The following RAB11FIP3 variants were observed in gnomAD, a reference collection of about 807,000 sequenced individuals.
The protein encoded by RAB11FIP3 is rab11 family-interacting protein 3.
A neutral mutation model predicts 77.8 loss-of-function variants in RAB11FIP3; 17 were observed. The ratio of observed to expected loss-of-function variants is 0.22; its 90% CI spans 0.15 to 0.33. RAB11FIP3 has a LOEUF of 0.33. Among genes scored for constraint, RAB11FIP3 ranks in the 10% least tolerant of loss-of-function variants. The pLI is 1.00. For missense variants in RAB11FIP3, 1,005 were observed against 1,011.2 expected, an observed-to-expected ratio of 0.99 and a Z score of 0.08; for synonymous variants, 437 against 448.2, an observed-to-expected ratio of 0.98 and a Z score of 0.31.
chr16:512,685 A>C (rs1441733689), intron 9 of RAB11FIP3, among the ~76,000 whole-genome samples: 1 of 151,446 alleles, frequency 6.6e-6, no homozygotes, highest in Non-Finnish European at 1.5e-5. Context: ...CTGGGGCTAG[A>C]GGCTCACACC....
chr16:470,791 A>G (rs74003903), intron 2 of RAB11FIP3, among the ~76,000 whole-genome samples: 3,590 of 152,310 alleles, frequency 0.024, 113 homozygotes, highest in African/African-American at 0.073. Flanking sequence ...TGATTATAGA[A>G]GATAAGCAAA....
intron 2 of RAB11FIP3, among the ~76,000 whole-genome samples, chr16:463,032 C>G (rs1163094735): frequency 6.6e-6 from 1 of 152,210 alleles, no homozygotes; most frequent in Admixed American, 6.5e-5. Context: ...TCCTTGGGGC[C>G]TGTATCTAGG....
intron 1 of RAB11FIP3, among the ~76,000 whole-genome samples, chr16:427,612 G>A (rs1035341066): frequency 1.3e-5 from 2 of 152,228 alleles, no homozygotes; most frequent in Non-Finnish European, 2.9e-5. Flanking sequence ...AATAATACCA[G>A]TGCTCACTTT....
chr16:471,508 G>A lies in RAB11FIP3; in HGVS notation c.903+119G>A. 2.3e-6 allele frequency: 2 copies of A among 860,974 alleles called. No individual in the cohort carries two copies. The highest frequency in any genetic ancestry group is 3.7e-6 in the Non-Finnish European group (2 of 535,124). 53.3% of individuals were successfully genotyped at this position (860,974 alleles called of 1,614,324 possible). On this transcript the variant is annotated intron_variant, in intron 3 of 13. Coordinates refer to ENST00000262305, the MANE Select transcript of RAB11FIP3 (RefSeq NM_014700.4). The surrounding 1 kb of genome is among the most constrained non-coding windows in gnomAD (Gnocchi z 4.4). ...TCCGTAGAAGCTGGCGTGAAGGAAG[G>A]GCCTCCCGCCCTGTGTGCACCGTGG... is the stretch of plus-strand genomic sequence containing the variant.
intron 4 of RAB11FIP3, among the ~76,000 whole-genome samples, chr16:484,266 G>A (rs939114853): frequency 6.6e-6 from 1 of 152,014 alleles, no homozygotes; most frequent in African/African-American, 2.4e-5. Context: ...GCTCTCCACC[G>A]GCCCTGCATC....
chr16:468,619 T>C (rs2141675526), intron 2 of RAB11FIP3, among the ~76,000 whole-genome samples: 1 of 152,246 alleles, frequency 6.6e-6, no homozygotes, highest in South Asian at 2.1e-4. Flanking sequence ...CAGGATGTGC[T>C]GGCCTAGTTT....
chr16:459,317 G>C (rs1016790029), intron 1 of RAB11FIP3, among the ~76,000 whole-genome samples: 6 of 151,714 alleles, frequency 4.0e-5, no homozygotes, highest in African/African-American at 9.7e-5. Flanking sequence ...GTAGAGATGG[G>C]GTTTCTCCAC....
chr16:456,965 C>T (rs1465430322), intron 1 of RAB11FIP3, among the ~76,000 whole-genome samples: 1 of 151,886 alleles, frequency 6.6e-6, no homozygotes, highest in African/African-American at 2.4e-5. Context: ...AGCCGCCTCT[C>T]TCCCTGCCCA....
intron 1 of RAB11FIP3, among the ~76,000 whole-genome samples, chr16:438,954 T>C (rs1356550659): frequency 1.3e-5 from 2 of 152,190 alleles, no homozygotes; most frequent in Non-Finnish European, 2.9e-5. Flanking sequence ...CCCAAAGTGC[T>C]GGGATTATAG....
Position 475,058 on chromosome 16 carries a change from C to G in RAB11FIP3, c.903+3669C>G, listed in dbSNP as rs941820118. 5 of 1,551,616 alleles carry G rather than the reference C, an allele frequency of 3.2e-6. No homozygotes were observed. In the Admixed American group the frequency reaches 9.8e-5, roughly 30 times the overall value. On this transcript the variant is annotated intron_variant, in intron 3 of 13. Transcript: ENST00000262305. ...GCCCTTCCTGAAGGTGTGTACAGAG[C>G]CAGGCCCAGCCTGTGAGGCCACCCG...
At chr16:464,624 A>C (rs1309501696) in intron 2 of RAB11FIP3, among the ~76,000 whole-genome samples, 2 of 152,210 alleles carry the variant, frequency 1.3e-5, no homozygotes, top group African/African-American at 4.8e-5. Flanking sequence ...GGCCAGGCAC[A>C]GTGGCTCATA....
intron 1 of RAB11FIP3, among the ~76,000 whole-genome samples, chr16:443,698 TG>T (rs1377481986): frequency 6.6e-6 from 1 of 152,132 alleles, no homozygotes; most frequent in African/African-American, 2.4e-5. Flanking sequence ...CCCGAATAGC[TG>T]GGACTACAGG....
intron 2 of RAB11FIP3, among the ~76,000 whole-genome samples, chr16:468,842 G>A (rs1184120949): frequency 6.6e-6 from 1 of 152,122 alleles, no homozygotes; most frequent in Non-Finnish European, 1.5e-5. Context: ...ATGGTATTTA[G>A]GTCCTACCAA....
At chr16:474,679 TTAGTGAAATGA>T (rs758995415) in intron 3 of RAB11FIP3, among the ~76,000 whole-genome samples, 86 of 152,320 alleles carry the variant, frequency 5.6e-4, no homozygotes, top group Middle Eastern at 6.8e-3. Context: ...AAGAGCTGCC[TTAGTGAAATGA>T]TAGTGAAATG....
At chr16:438,949 A>G (rs896734691) in intron 1 of RAB11FIP3, among the ~76,000 whole-genome samples, 2 of 152,144 alleles carry the variant, frequency 1.3e-5, no homozygotes, top group African/African-American at 4.8e-5. Context: ...TGGCACCCAA[A>G]GTGCTGGGAT....
chr16:500,449 G>A (rs1454652398), intron 6 of RAB11FIP3, among the ~76,000 whole-genome samples: 4 of 152,010 alleles, frequency 2.6e-5, no homozygotes, highest in Admixed American at 2.0e-4. Flanking sequence ...TTGGGGGGCC[G>A]AGGCGCACAG....
rs949752389 is a variant in RAB11FIP3 at position 433,420 on chromosome 16, A to G, written c.714+6700A>G. ...TCTATTCTCTACCTCCATTAGATCC[A>G]CTTTTCTAGCTCCCACATAAGAGTA... On this transcript the variant is annotated intron_variant, in intron 1 of 13. Transcript: ENST00000262305. 2.6e-5 allele frequency among the ~76,000 whole-genome samples: 4 copies of G among 151,346 alleles called. No homozygotes were observed. The East Asian group carries it at 6.0e-4, about 23-fold the overall frequency.
rs1235597355 is a variant in RAB11FIP3, at chr16:500,889, G to A, written c.1302-2115G>A. 2.0e-5 allele frequency among the ~76,000 whole-genome samples: 3 copies of A among 152,142 alleles called. No homozygotes were observed. The East Asian group carries it at 5.8e-4, about 29-fold the overall frequency. ...CAGCTCAGAAGTGCTGACAGGTCGTGGCCTCTCAGGATGGGCTCTGGGTTG... is the reference window on the plus strand; with the variant it reads ...CAGCTCAGAAGTGCTGACAGGTCGTAGCCTCTCAGGATGGGCTCTGGGTTG... On this transcript the variant is annotated intron_variant, in intron 6 of 13. Coordinates refer to ENST00000262305, the MANE Select transcript of RAB11FIP3 (RefSeq NM_014700.4).
intron 7 of RAB11FIP3, among the ~76,000 whole-genome samples, chr16:504,997 C>T (rs1161971050): frequency 1.4e-5 from 2 of 144,134 alleles, no homozygotes; most frequent in Non-Finnish European, 3.0e-5. Flanking sequence ...CCCACCACCT[C>T]CTCCCTACAA....
Sources: gnomAD v4.1 joint callset for allele counts (sites outside exome capture counted in the v4.1 genomes callset) on GRCh38, gnomAD v4.1.1 for gene constraint, Gnocchi (gnomAD v3.1) non-coding constraint, MANE v1.5 for transcripts, NCBI Gene and HGNC (gene_info 2026-07-23, HGNC 2026-07-21) for gene names.